CDK5RAP2: variants seen among roughly 807,000 people sequenced by gnomAD.
CDK5RAP2 encodes CDK5 regulatory subunit associated protein 2.
In CDK5RAP2, 147 loss-of-function variants were observed where a neutral mutation model predicts 232.9. That is an observed-to-expected ratio of 0.63 (90% CI 0.55 to 0.72). The LOEUF (loss-of-function observed/expected upper bound fraction) is 0.72. CDK5RAP2 is among the 30% of genes least tolerant of loss of function. CDK5RAP2 has a pLI of 0.00. For synonymous variants in CDK5RAP2, 833 were observed against 833.7 expected (o/e 1.00, Z 0.01); for missense variants, 2,195 against 2,231.5 (o/e 0.98, Z 0.33).
chr9:120,527,481 T>A (rs1339628516), intron 10 of CDK5RAP2, among the ~76,000 whole-genome samples: 2 of 150,120 alleles, frequency 1.3e-5, no homozygotes, highest in Admixed American at 6.7e-5. Context: ...TCAATATTTT[T>A]ACTGATTATA....
chr9:120,513,946 T>TAGCATA, intron 12 of CDK5RAP2, among the ~76,000 whole-genome samples: 2 of 152,338 alleles, frequency 1.3e-5, no homozygotes, highest in Admixed American at 6.5e-5. Context: ...ATGCTCCACC[T>TAGCATA]GTACATTTAT....
intron 1 of CDK5RAP2, among the ~76,000 whole-genome samples, chr9:120,576,472 C>A (rs1029140206): frequency 1.3e-5 from 2 of 152,236 alleles, no homozygotes; most frequent in Admixed American, 1.3e-4. Flanking sequence ...GAGGCCAAGG[C>A]GGGCAGATCA....
At chr9:120,541,800 A>G (rs2041644697) in intron 5 of CDK5RAP2, among the ~76,000 whole-genome samples, 1 of 152,208 alleles carries the variant, frequency 6.6e-6, no homozygotes, top group African/African-American at 2.4e-5. Flanking sequence ...CAGGATGTGG[A>G]ACAAAGAAGG....
At chr9:120,414,307 G>A (rs2034072685) in intron 28 of CDK5RAP2, among the ~76,000 whole-genome samples, 1 of 152,176 alleles carries the variant, frequency 6.6e-6, no homozygotes. Context: ...ACTCCGGCCA[G>A]TTCAACCAGA....
Position 120,518,581 on chromosome 9 carries a change from T to C in CDK5RAP2, c.1157A>G (p.Gln386Arg), listed in dbSNP as rs1256402442. 2 of 1,613,714 alleles carry C rather than the reference T, an allele frequency of 1.2e-6. No individual in the cohort carries two copies. Among genetic ancestry groups the C allele is most frequent in the East Asian group, 2.2e-5 (1 of 44,846 alleles). ...KEALSAALRS[Q>R]NLTKSTENHR... ...GTTCTCTGTACTCTTGGTGAGGTTT[T>C]GTGAGCGCAGCGCAGCCGAAAGGGC... The change falls in exon 12 of 38, where the codon CAA (glutamine) becomes CGA (arginine). Residue 386 changes from glutamine (Q) to arginine (R), a missense_variant. Gln to Arg is a conservative substitution (Grantham distance 43, BLOSUM62 1). Transcript: ENST00000349780.
chr9:120,554,634 TTTGTTGTTG>T lies in CDK5RAP2; in HGVS notation c.196-3741_196-3733del, dbSNP rs369609019. On this transcript the variant is annotated intron_variant, in intron 3 of 37. Coordinates refer to ENST00000349780, the MANE Select transcript of CDK5RAP2 (RefSeq NM_018249.6). Reference sequence around the variant, plus strand: ...TCAAAATGTGAAACTTTTTGTTTTTTTTGTTGTTGTTGTTGTTGAGACAGAGTCTCACTC... The same window carrying T: ...TCAAAATGTGAAACTTTTTGTTTTTTTTGTTGTTGAGACAGAGTCTCACTC... Among the ~76,000 whole-genome samples the T allele has an allele frequency of 1.0e-3, 158 of 152,202 alleles. 2 individuals carry two copies. In the East Asian group the frequency reaches 0.024, roughly 23 times the overall value.
Position 120,403,189 on chromosome 9 carries a change from C to A in CDK5RAP2, c.5042-118G>T. 4 of 976,964 alleles carry A rather than the reference C, an allele frequency of 4.1e-6. No individual in the cohort carries two copies. The highest frequency in any genetic ancestry group is 3.2e-6 in the Non-Finnish European group (2 of 631,024). 60.5% of individuals were successfully genotyped at this position (976,964 alleles called of 1,614,324 possible). A position where few individuals can be genotyped will look rare whatever the true frequency, so the allele number is the denominator to read the frequency against. On this transcript the variant is annotated intron_variant, in intron 33 of 37. Transcript: ENST00000349780. This position sits in a 1 kb window ranked among gnomAD's most constrained non-coding sequence, Gnocchi z 4.2. ...AGAGGCCCTCGTGCCCAAATGCCAC[C>A]CAACACAAGCCCAGAGGGGAAAAGA...
chr9:120,546,225 C>T (rs1011507967), intron 4 of CDK5RAP2, among the ~76,000 whole-genome samples: 2 of 151,878 alleles, frequency 1.3e-5, no homozygotes, highest in Non-Finnish European at 2.9e-5. Context: ...CGTGTTACAG[C>T]TTAAAAAAAA....
intron 1 of CDK5RAP2, among the ~76,000 whole-genome samples, chr9:120,576,294 G>GT (rs2043028457): frequency 6.6e-6 from 1 of 152,268 alleles, no homozygotes; most frequent in East Asian, 1.9e-4. Context: ...ATATATTCAC[G>GT]TTTTTTAAAT....
At chr9:120,498,137 T>G (rs1588492121) in intron 12 of CDK5RAP2, among the ~76,000 whole-genome samples, 1 of 152,184 alleles carries the variant, frequency 6.6e-6, no homozygotes, top group East Asian at 1.9e-4. Context: ...TGCTTGCCCT[T>G]TCCCATATTC....
At chr9:120,442,118 C>T (rs2035935472) in intron 23 of CDK5RAP2, among the ~76,000 whole-genome samples, 1 of 152,148 alleles carries the variant, frequency 6.6e-6, no homozygotes, top group African/African-American at 2.4e-5. Flanking sequence ...CAGGACTTTC[C>T]TTAAGTAATT....
chr9:120,498,611 G>C (rs761738095), intron 12 of CDK5RAP2, among the ~76,000 whole-genome samples: 9 of 152,090 alleles, frequency 5.9e-5, no homozygotes, highest in Non-Finnish European at 1.2e-4. Flanking sequence ...TGGTAAGTAT[G>C]CCACAGTAAT....
chr9:120,398,279 C>T (rs1271031652), intron 35 of CDK5RAP2, among the ~76,000 whole-genome samples: 2 of 152,164 alleles, frequency 1.3e-5, no homozygotes, highest in Non-Finnish European at 2.9e-5. Flanking sequence ...GATTTCTTAT[C>T]TCTTTTTCCT....
intron 24 of CDK5RAP2, among the ~76,000 whole-genome samples, chr9:120,438,785 A>G (rs1265024702): frequency 6.6e-6 from 1 of 152,192 alleles, no homozygotes; most frequent in Non-Finnish European, 1.5e-5. Context: ...AATTCAGAAC[A>G]ATGTGTTTGA....
intron 26 of CDK5RAP2, among the ~76,000 whole-genome samples, chr9:120,421,784 T>C (rs1340544835): frequency 6.6e-6 from 1 of 152,234 alleles, no homozygotes; most frequent in Non-Finnish European, 1.5e-5. Flanking sequence ...GGTAGAGATA[T>C]TCAAGACATA....
chr9:120,389,454 GTATT>G (rs1031143206), intron 37 of CDK5RAP2, among the ~76,000 whole-genome samples, 162 bp from the exon 38 acceptor site: 2 of 152,202 alleles, frequency 1.3e-5, no homozygotes, highest in African/African-American at 2.4e-5. Flanking sequence ...AGATCATACT[GTATT>G]CATTCATTCA....
At chr9:120,542,331 CCT>C (rs2041667700) in intron 5 of CDK5RAP2, among the ~76,000 whole-genome samples, 1 of 151,994 alleles carries the variant, frequency 6.6e-6, no homozygotes, top group Non-Finnish European at 1.5e-5. Flanking sequence ...ATGGTGAAAC[CCT>C]GTCTCTACTA....
At chr9:120,571,210 C>T (rs1275310515) in intron 2 of CDK5RAP2, among the ~76,000 whole-genome samples, 1 of 152,018 alleles carries the variant, frequency 6.6e-6, no homozygotes, top group African/African-American at 2.4e-5. Flanking sequence ...CTCAGGAAAA[C>T]ATGAAGGTGC....
intron 3 of CDK5RAP2, among the ~76,000 whole-genome samples, chr9:120,554,763 A>AG (rs1288174184): frequency 6.6e-6 from 1 of 151,938 alleles, no homozygotes; most frequent in African/African-American, 2.4e-5. Flanking sequence ...CCTCCCGAGT[A>AG]GCTGGGACTA....
Sources: gnomAD v4.1 joint callset for allele counts (sites outside exome capture counted in the v4.1 genomes callset) on GRCh38, gnomAD v4.1.1 for gene constraint, Gnocchi (gnomAD v3.1) non-coding constraint, MANE v1.5 for transcripts, NCBI Gene and HGNC (gene_info 2026-07-23, HGNC 2026-07-21) for gene names.